Variants in PTPRN2 observed in about 807,000 individuals in gnomAD.
PTPRN2 encodes protein tyrosine phosphatase receptor type N2, also known as receptor-type tyrosine-protein phosphatase N2.
A neutral mutation model predicts 118.8 loss-of-function variants in PTPRN2; 74 were observed. The ratio of observed to expected loss-of-function variants is 0.62; its 90% confidence interval spans 0.52 to 0.76. The LOEUF is 0.76. PTPRN2 is among the 30% of genes least tolerant of loss of function. PTPRN2 has a pLI of 0.00. For synonymous variants in PTPRN2, 641 were observed against 608.0 expected, an observed-to-expected ratio of 1.05 and a Z score of -0.80; for missense variants, 1,481 against 1,394.4, an observed-to-expected ratio of 1.06 and a Z score of -0.99.
chr7:157,790,162 G>C (rs1224488054), intron 12 of PTPRN2, among the ~76,000 whole-genome samples: 1 of 141,450 alleles, frequency 7.1e-6, no homozygotes, highest in South Asian at 2.4e-4. Flanking sequence ...TGTGAATGTG[G>C]TGTGTGTGGT....
chr7:158,218,234 G>A (rs1470308817), intron 3 of PTPRN2, among the ~76,000 whole-genome samples: 5 of 149,166 alleles, frequency 3.4e-5, no homozygotes, highest in African/African-American at 1.2e-4. Flanking sequence ...CAGGCTGATA[G>A]CAGACATGTC....
At chr7:158,225,365 C>T (rs780106820) in intron 3 of PTPRN2, among the ~76,000 whole-genome samples, 2 of 152,018 alleles carry the variant, frequency 1.3e-5, no homozygotes, top group Non-Finnish European at 2.9e-5. Context: ...AGCACCTCTG[C>T]ACCACGGAGC....
intron 12 of PTPRN2, among the ~76,000 whole-genome samples, chr7:157,790,280 G>A (rs962533042): frequency 4.7e-5 from 7 of 148,382 alleles, no homozygotes; most frequent in African/African-American, 1.7e-4. Context: ...TGTGTGGTGT[G>A]AATGTGTGTG....
chr7:158,553,891 T>C (rs1460800437), intron 1 of PTPRN2, among the ~76,000 whole-genome samples: 1 of 151,254 alleles, frequency 6.6e-6, no homozygotes, highest in East Asian at 2.0e-4. Context: ...AACTTCCCCA[T>C]GTACACACAT....
chr7:157,807,420 G>A (rs1299197118), intron 12 of PTPRN2, among the ~76,000 whole-genome samples: 1 of 152,214 alleles, frequency 6.6e-6, no homozygotes, highest in African/African-American at 2.4e-5. Context: ...CCCTGCCCTT[G>A]TCATGCTGTG....
At chr7:158,492,223 G>A (rs538863144) in intron 1 of PTPRN2, among the ~76,000 whole-genome samples, 28 of 152,332 alleles carry the variant, frequency 1.8e-4, no homozygotes, top group African/African-American at 6.5e-4. Flanking sequence ...CCCTGGTCCC[G>A]GCTCTGGCAG....
intron 2 of PTPRN2, among the ~76,000 whole-genome samples, chr7:158,420,608 T>A (rs537939943): frequency 6.6e-6 from 1 of 152,300 alleles, no homozygotes; most frequent in South Asian, 2.1e-4. Context: ...CAGTGCGCAT[T>A]GCCCCTGAGT....
At chr7:158,521,157 T>C (rs965220564) in intron 1 of PTPRN2, among the ~76,000 whole-genome samples, 2 of 152,240 alleles carry the variant, frequency 1.3e-5, no homozygotes, top group African/African-American at 4.8e-5. Context: ...ATTTGTATTA[T>C]TTTTATTGTT....
chr7:158,129,345 TAAC>T (rs1029973091), intron 9 of PTPRN2, among the ~76,000 whole-genome samples: 4 of 133,656 alleles, frequency 3.0e-5, no homozygotes, highest in African/African-American at 1.2e-4. Flanking sequence ...GCACTACACA[TAAC>T]ACACACCACA....
intron 11 of PTPRN2, among the ~76,000 whole-genome samples, chr7:157,972,509 A>C (rs1352485548): frequency 2.3e-3 from 302 of 129,250 alleles, no homozygotes; most frequent in Middle Eastern, 8.8e-3. Context: ...AGACCACGGG[A>C]ACTCCACACC....
At chr7:157,828,112 T>G (rs1006310751) in intron 12 of PTPRN2, among the ~76,000 whole-genome samples, 1 of 152,166 alleles carries the variant, frequency 6.6e-6, no homozygotes, top group Non-Finnish European at 1.5e-5. Flanking sequence ...TTTCCCCACA[T>G]GCAGATGGAG....
At chr7:157,730,374 G>A (rs982306469) in intron 12 of PTPRN2, among the ~76,000 whole-genome samples, 2 of 152,226 alleles carry the variant, frequency 1.3e-5, no homozygotes, top group African/African-American at 4.8e-5. Context: ...ACGAGGATGA[G>A]GAGCCAAAAC....
At chr7:157,999,850 T>C (rs10267729) in intron 11 of PTPRN2, among the ~76,000 whole-genome samples, 102,281 of 152,018 alleles carry the variant, frequency 0.67, 34,833 homozygotes, top group East Asian at 0.88. Flanking sequence ...CTGATGAACT[T>C]TGGCCTCTGG....
chr7:157,688,308 G>A (rs1392845244), intron 12 of PTPRN2, among the ~76,000 whole-genome samples: 1 of 152,188 alleles, frequency 6.6e-6, no homozygotes, highest in Non-Finnish European at 1.5e-5. Context: ...AAGAAATACT[G>A]TGTTTTAAGA....
chr7:157,868,956 G>A lies in PTPRN2; in HGVS notation c.1788+29717C>T, dbSNP rs1246066465. ...CTTTCTGCCACCACAGTCGTTTGGG[G>A]ACTCAGTTCCATGTAGAACCAGATG... On this transcript the variant is annotated intron_variant, in intron 12 of 22. Transcript: ENST00000389418. The surrounding 1 kb of genome is among the most constrained non-coding windows in gnomAD (Gnocchi z 5.2). 4 of 152,184 alleles carry A rather than the reference G, an allele frequency of 2.6e-5. No homozygotes were observed. The highest frequency in any genetic ancestry group is 5.9e-5 in the Non-Finnish European group (4 of 68,044). 9.4% of individuals were successfully genotyped at this position (152,184 alleles called of 1,614,324 possible).
chr7:158,456,846 C>T (rs1818547212), intron 2 of PTPRN2, among the ~76,000 whole-genome samples: 1 of 152,144 alleles, frequency 6.6e-6, no homozygotes. Context: ...ACAATCACGA[C>T]TCACTGCAGC....
intron 11 of PTPRN2, among the ~76,000 whole-genome samples, chr7:158,053,245 G>A (rs1468337202): frequency 6.6e-6 from 1 of 152,148 alleles, no homozygotes; most frequent in Non-Finnish European, 1.5e-5. Context: ...GGAACTAAAA[G>A]GCGCTTTAAA....
intron 3 of PTPRN2, among the ~76,000 whole-genome samples, chr7:158,239,064 GTGT>G (rs1248432158): frequency 6.6e-6 from 1 of 152,318 alleles, no homozygotes; most frequent in East Asian, 1.9e-4. Flanking sequence ...CCCGAGCCTG[GTGT>G]TTGCTCGGTC....
At chr7:157,945,246 C>T (rs747393738) in intron 11 of PTPRN2, among the ~76,000 whole-genome samples, 30 of 152,132 alleles carry the variant, frequency 2.0e-4, no homozygotes, top group Non-Finnish European at 3.7e-4. Flanking sequence ...ATGGTTTCAA[C>T]CCCACCCATT....
Sources: gnomAD v4.1 joint callset for allele counts (sites outside exome capture counted in the v4.1 genomes callset) on GRCh38, gnomAD v4.1.1 for gene constraint, Gnocchi (gnomAD v3.1) non-coding constraint, MANE v1.5 for transcripts, NCBI Gene and HGNC (gene_info 2026-07-23, HGNC 2026-07-21) for gene names.